GLT1D1: variants seen among roughly 807,000 people sequenced by gnomAD.
The protein encoded by GLT1D1 is glycosyltransferase 1 domain-containing protein 1.
In GLT1D1, 21 loss-of-function variants were observed where a neutral mutation model predicts 28.7. The observed-to-expected ratio is 0.73, with a 90% CI of 0.52 to 1.05. The LOEUF (loss-of-function observed/expected upper bound fraction) is 1.05. GLT1D1 is among the 50% of genes least tolerant of loss of function. The pLI is 0.00. For synonymous variants in GLT1D1, 147 were observed against 124.8 expected (o/e 1.18, Z -1.19); for missense variants, 343 against 330.6 (o/e 1.04, Z -0.29).
intron 6 of GLT1D1, among the ~76,000 whole-genome samples, chr12:128,954,364 T>C (rs1027827156): frequency 2.0e-5 from 3 of 148,036 alleles, no homozygotes; most frequent in African/African-American, 7.5e-5. Context: ...TCTCCTGACC[T>C]TGTGATCCTC....
At chr12:128,936,190 T>C (rs1467339186) in intron 4 of GLT1D1, among the ~76,000 whole-genome samples, 1 of 149,060 alleles carries the variant, frequency 6.7e-6, no homozygotes, top group East Asian at 2.0e-4. Context: ...AGTCTCACTC[T>C]GTTGCCCAGG....
chr12:128,921,268 A>C (rs1008816089), intron 4 of GLT1D1, among the ~76,000 whole-genome samples: 5 of 151,580 alleles, frequency 3.3e-5, no homozygotes, highest in Admixed American at 6.6e-5. Context: ...AGTTTCCTAT[A>C]TTCCCATTAC....
intron 3 of GLT1D1, among the ~76,000 whole-genome samples, chr12:128,890,494 T>G (rs940443541): frequency 2.0e-5 from 3 of 152,064 alleles, no homozygotes; most frequent in African/African-American, 7.2e-5. Flanking sequence ...AAAATAATGA[T>G]AAAATCAGGC....
chr12:128,861,036 A>C (rs1355552300), intron 1 of GLT1D1, among the ~76,000 whole-genome samples: 1 of 152,006 alleles, frequency 6.6e-6, no homozygotes, highest in Non-Finnish European at 1.5e-5. Flanking sequence ...TGGATGTAAA[A>C]AATATTCACG....
chr12:128,942,748 TG>T lies in GLT1D1; in HGVS notation c.376-2577del, dbSNP rs1373851657. Among the ~76,000 whole-genome samples the T allele has an allele frequency of 9.1e-3, 635 of 70,112 alleles. 60 individuals are homozygous for T. Among genetic ancestry groups the T allele is most frequent in the African/African-American group, 0.022 (441 of 19,852 alleles). The allele number at this position is 70,112 out of a possible 152,430, so 46.0% of individuals were successfully genotyped here. On this transcript the variant is annotated intron_variant, in intron 4 of 7. Transcript: ENST00000281703. The stretch of plus-strand genomic sequence containing the variant: ...CCAATTTTCTTTGTTTGTTTGTTTT[TG>T]TTTTTTGTTTTTTTTTTTTGAGACA...
At chr12:128,977,613 C>T (rs986050125) in intron 7 of GLT1D1, among the ~76,000 whole-genome samples, 2 of 152,148 alleles carry the variant, frequency 1.3e-5, no homozygotes, top group East Asian at 1.9e-4. Context: ...TCCCACTTCA[C>T]CTGCTGGGCC....
chr12:128,865,423 G>T (rs1566083594), intron 1 of GLT1D1, among the ~76,000 whole-genome samples: 2 of 152,144 alleles, frequency 1.3e-5, no homozygotes, highest in South Asian at 2.1e-4. Context: ...TCACGGTAAT[G>T]AACATGTCTA....
intron 7 of GLT1D1, among the ~76,000 whole-genome samples, chr12:128,977,522 C>T (rs533075070): frequency 3.3e-5 from 5 of 152,000 alleles, no homozygotes; most frequent in Admixed American, 2.6e-4. Flanking sequence ...CATAAATATC[C>T]AGAATTTAGA....
At chr12:128,967,160 T>G (rs771766966) in intron 7 of GLT1D1, among the ~76,000 whole-genome samples, 3 of 152,162 alleles carry the variant, frequency 2.0e-5, no homozygotes, top group Non-Finnish European at 2.9e-5. Flanking sequence ...AAAACATAAG[T>G]TCTGGAATAA....
At chr12:128,878,013 G>T (rs1956914739) in intron 2 of GLT1D1, among the ~76,000 whole-genome samples, 1 of 152,162 alleles carries the variant, frequency 6.6e-6, no homozygotes, top group African/African-American at 2.4e-5. Context: ...GCTTCTCCCT[G>T]AGAGAACCAT....
At chr12:128,955,787 C>T (rs1183193188) in intron 6 of GLT1D1, among the ~76,000 whole-genome samples, 3 of 151,964 alleles carry the variant, frequency 2.0e-5, no homozygotes, top group Non-Finnish European at 4.4e-5. Context: ...CTGGTCAGCT[C>T]TTCTGACTGT....
At chr12:128,962,985 C>A (rs1878117736) in intron 7 of GLT1D1, among the ~76,000 whole-genome samples, 2 of 152,170 alleles carry the variant, frequency 1.3e-5, no homozygotes, top group African/African-American at 4.8e-5. Context: ...CAGGCATGAG[C>A]CACCGCGCCC....
rs963240896 is a variant in GLT1D1, at chr12:128,853,585, C to T, written c.4C>T (p.Arg2Trp). Residue 2 changes from arginine to tryptophan, a missense_variant, in exon 1 of 8, where the codon CGG (arginine) becomes TGG (tryptophan). Physicochemically the swap from Arg to Trp is moderately radical, Grantham distance 101 (BLOSUM62 -3). Coordinates refer to ENST00000281703, the MANE Select transcript of GLT1D1 (RefSeq NM_144669.3). Reference sequence around the variant, plus strand: ...TGGCCCGGGCGGCGGCGGCGGCATGCGGCTCCTGTTCCTGGCGGTGCTGCG... The same window carrying T: ...TGGCCCGGGCGGCGGCGGCGGCATGTGGCTCCTGTTCCTGGCGGTGCTGCG... 1.8e-6 allele frequency: 2 copies of T among 1,135,896 alleles called. No homozygotes were observed. The highest frequency in any genetic ancestry group is 1.1e-6 in the Non-Finnish European group (1 of 920,782). 70.4% of individuals were successfully genotyped at this position (1,135,896 alleles called of 1,614,324 possible).
At chr12:128,940,533 C>T (rs1383861380) in intron 4 of GLT1D1, among the ~76,000 whole-genome samples, 1 of 152,168 alleles carries the variant, frequency 6.6e-6, no homozygotes, top group Non-Finnish European at 1.5e-5. Flanking sequence ...CTGGTGCTGC[C>T]TCTTTCTGGC....
At chr12:128,899,184 T>C in intron 3 of GLT1D1, 52 bp from the exon 4 acceptor site, 3 of 1,385,382 alleles carry the variant, frequency 2.2e-6, no homozygotes, top group Middle Eastern at 2.0e-4. Context: ...TTCATAGTTC[T>C]TTTAATTGAA....
intron 7 of GLT1D1, among the ~76,000 whole-genome samples, chr12:128,976,222 A>C (rs1452479107): frequency 6.6e-6 from 1 of 152,220 alleles, no homozygotes; most frequent in African/African-American, 2.4e-5. Flanking sequence ...CAGGCACGGC[A>C]GGTTGCCTTA....
At chr12:128,977,103 G>T (rs1200364445) in intron 7 of GLT1D1, among the ~76,000 whole-genome samples, 2 of 152,166 alleles carry the variant, frequency 1.3e-5, no homozygotes, top group Non-Finnish European at 2.9e-5. Flanking sequence ...CCGAGATCGC[G>T]CCGCTGCACT....
chr12:128,983,153 G>C lies in GLT1D1; in HGVS notation c.*63G>C. ...AGCTCTGGGTGCACACTCAGAGACA[G>C]AGTTCTGGATCACGTGGGCCCAGTG... On this transcript the variant is annotated 3_prime_UTR_variant, in exon 8 of 8. Transcript: ENST00000281703. The surrounding 1 kb of genome is among the most constrained non-coding windows in gnomAD (Gnocchi z 4.7). The C allele has an allele frequency of 6.7e-7, 1 of 1,482,678 alleles. No individual in the cohort carries two copies. Among genetic ancestry groups the C allele is most frequent in the Non-Finnish European group, 9.3e-7 (1 of 1,069,926 alleles). 91.8% of individuals were successfully genotyped at this position (1,482,678 alleles called of 1,614,324 possible).
At chr12:128,877,330 A>G (rs573517868) in intron 2 of GLT1D1, among the ~76,000 whole-genome samples, 8 of 152,360 alleles carry the variant, frequency 5.3e-5, no homozygotes, top group African/African-American at 1.7e-4. Flanking sequence ...TCTAGTCATC[A>G]TCACATCAGG....
Sources: allele counts gnomAD v4.1 joint callset (sites outside exome capture counted in the v4.1 genomes callset), GRCh38; gene constraint gnomAD v4.1.1; non-coding constraint Gnocchi (gnomAD v3.1); transcripts MANE v1.5; gene names NCBI Gene and HGNC (gene_info 2026-07-23, HGNC 2026-07-21).